RBFOX3: variants seen among roughly 807,000 people sequenced by gnomAD.
RBFOX3 encodes RNA binding fox-1 homolog 3, also known as RNA binding protein fox-1 homolog 3.
RBFOX3 carries 17 observed loss-of-function variants against 48.7 expected under a neutral mutation model. The ratio of observed to expected loss-of-function variants is 0.35; its 90% confidence interval spans 0.24 to 0.52. The LOEUF is 0.52. RBFOX3 is among the 20% of genes least tolerant of loss of function. RBFOX3 has a pLI of 0.94. For missense variants in RBFOX3, 382 were observed against 497.5 expected, an observed-to-expected ratio of 0.77 and a Z score of 2.21; for synonymous variants, 212 against 209.5, an observed-to-expected ratio of 1.01 and a Z score of -0.10.
intron 4 of RBFOX3, among the ~76,000 whole-genome samples, chr17:79,171,411 G>A (rs1223023718): frequency 3.3e-5 from 5 of 152,190 alleles, no homozygotes; most frequent in Non-Finnish European, 7.3e-5. Flanking sequence ...TTAGAGCTTT[G>A]CTGGCCATAT....
At position 79,140,644 on chromosome 17, in the gene RBFOX3, G is replaced by A. The variant is rs558319127; in HGVS notation, c.-33-24896C>T. Among the ~76,000 whole-genome samples, 12 of 152,358 alleles carry A rather than the reference G, an allele frequency of 7.9e-5. No homozygotes were observed. The South Asian group carries it at 1.0e-3, about 13-fold the overall frequency. On this transcript the variant is annotated intron_variant, in intron 4 of 14. Coordinates refer to ENST00000693108, the MANE Select transcript of RBFOX3 (RefSeq NM_001350451.2). ...CACAGCATGACAGACCAACCCAGGC[G>A]TGTGCCACAGAGCTTTAGTCTCCTA...
intron 1 of RBFOX3, among the ~76,000 whole-genome samples, chr17:79,573,096 T>C (rs2092734345): frequency 6.6e-6 from 1 of 152,212 alleles, no homozygotes; most frequent in Non-Finnish European, 1.5e-5. Flanking sequence ...CTGACACCTT[T>C]CCTGCTTATG....
intron 2 of RBFOX3, among the ~76,000 whole-genome samples, chr17:79,457,138 T>C (rs1555745468): frequency 6.6e-6 from 1 of 152,230 alleles, no homozygotes; most frequent in African/African-American, 2.4e-5. Context: ...GGGGCATGGC[T>C]GCCCTACTTC....
chr17:79,583,704 G>A (rs1363191339), intron 1 of RBFOX3, among the ~76,000 whole-genome samples: 2 of 152,300 alleles, frequency 1.3e-5, no homozygotes, highest in Admixed American at 6.5e-5. Context: ...CGGTGGCTCT[G>A]GTAGCATTTC....
chr17:79,195,222 C>T lies in RBFOX3; in HGVS notation c.-34+40544G>A, dbSNP rs541461036. ...ACCAGCCTGGTCAACATGGTGAAAC[C>T]CTGTTTCTACTAAAAATACAAAAAA... On this transcript the variant is annotated intron_variant, in intron 4 of 14. Coordinates refer to ENST00000693108, the MANE Select transcript of RBFOX3 (RefSeq NM_001350451.2). This position sits in a 1 kb window ranked among gnomAD's most constrained non-coding sequence, Gnocchi z 5.3. Among the ~76,000 whole-genome samples, 1 of 152,184 alleles carries T rather than the reference C, an allele frequency of 6.6e-6. No homozygotes were observed. Among genetic ancestry groups the T allele is most frequent in the East Asian group, 1.9e-4 (1 of 5,166 alleles).
chr17:79,097,854 C>G (rs762047203), intron 9 of RBFOX3, 109 bp from the exon 10 acceptor site: 2 of 1,207,376 alleles, frequency 1.7e-6, no homozygotes, highest in East Asian at 5.1e-5. Context: ...GGAACATTCC[C>G]AGGGCGCCTC....
chr17:79,405,494 G>A (rs1375952086), intron 2 of RBFOX3, among the ~76,000 whole-genome samples: 1 of 152,102 alleles, frequency 6.6e-6, no homozygotes, highest in African/African-American at 2.4e-5. Context: ...TGCACTTTGG[G>A]TAGATCACTT....
chr17:79,623,025 C>A, the RBFOX3 span, among the ~76,000 whole-genome samples: 2 of 152,140 alleles, frequency 1.3e-5, no homozygotes, highest in Non-Finnish European at 2.9e-5. Flanking sequence ...ACCCTCAGCT[C>A]CCTCCCCTAC....
Position 79,311,434 on chromosome 17 carries a change from CAAAAAAAAAAA to C in RBFOX3, c.-174-3621_-174-3611del, listed in dbSNP as rs35265527. On this transcript the variant is annotated intron_variant, in intron 2 of 14. Coordinates refer to ENST00000693108, the MANE Select transcript of RBFOX3 (RefSeq NM_001350451.2). The surrounding 1 kb of genome is among the most constrained non-coding windows in gnomAD (Gnocchi z 4.2). Reference sequence around the variant, plus strand: ...GGTAAGAAGAGCGAGACTCCATCTCCAAAAAAAAAAAAAAAAAAAACAGACTGCAGCACCAA... The same window carrying C: ...GGTAAGAAGAGCGAGACTCCATCTCCAAAAAAAAACAGACTGCAGCACCAA... 2.0e-5 allele frequency among the ~76,000 whole-genome samples: 2 copies of C among 102,554 alleles called. No individual in the cohort carries two copies. Among genetic ancestry groups the C allele is most frequent in the South Asian group, 7.6e-4 (2 of 2,636 alleles). 67.3% of individuals were successfully genotyped at this position (102,554 alleles called of 152,430 possible). A position where few individuals can be genotyped will look rare whatever the true frequency, so the allele number is the denominator to read the frequency against.
intron 2 of RBFOX3, among the ~76,000 whole-genome samples, chr17:79,402,883 C>T (rs968254063): frequency 2.0e-5 from 3 of 152,126 alleles, no homozygotes; most frequent in Non-Finnish European, 2.9e-5. Context: ...TCCCGGATGT[C>T]GTGGGGCTGC....
intron 2 of RBFOX3, among the ~76,000 whole-genome samples, chr17:79,372,821 G>T (rs1162859932): frequency 1.3e-5 from 2 of 152,242 alleles, no homozygotes; most frequent in Admixed American, 6.5e-5. Context: ...TGTCCAACTG[G>T]CCGCAGGTGT....
At chr17:79,607,638 G>T (rs1354413888) in intron 1 of RBFOX3, among the ~76,000 whole-genome samples, 1 of 152,178 alleles carries the variant, frequency 6.6e-6, no homozygotes, top group East Asian at 1.9e-4. Flanking sequence ...TGGGGGAGGG[G>T]GCAGATAAAC....
intron 1 of RBFOX3, among the ~76,000 whole-genome samples, chr17:79,504,510 C>T (rs1372374577): frequency 6.6e-6 from 1 of 152,206 alleles, no homozygotes; most frequent in Non-Finnish European, 1.5e-5. Flanking sequence ...GTGAGCATGG[C>T]CGAGCTCCCT....
intron 1 of RBFOX3, among the ~76,000 whole-genome samples, chr17:79,524,467 G>A (rs1226825859): frequency 2.0e-5 from 3 of 152,164 alleles, no homozygotes; most frequent in Non-Finnish European, 2.9e-5. Context: ...TCACTCTCAC[G>A]GCGGGCATTT....
intron 1 of RBFOX3, among the ~76,000 whole-genome samples, chr17:79,559,944 G>A (rs1390864312): frequency 6.7e-6 from 1 of 148,894 alleles, no homozygotes; most frequent in Non-Finnish European, 1.5e-5. Flanking sequence ...GTAGGTGGAT[G>A]GTCGGTGGTG....
chr17:79,606,737 C>G (rs1002029058), intron 1 of RBFOX3, among the ~76,000 whole-genome samples: 1 of 152,176 alleles, frequency 6.6e-6, no homozygotes, highest in Admixed American at 6.5e-5. Flanking sequence ...ACAGGCCCCG[C>G]CGGGTATGCA....
chr17:79,097,439 G>A lies in RBFOX3; in HGVS notation c.623-15C>T. 2.0e-6 allele frequency: 3 copies of A among 1,537,422 alleles called. No homozygotes were observed. Among genetic ancestry groups the A allele is most frequent in the South Asian group, 2.4e-5 (2 of 82,938 alleles). ...GAACCCCGTCACTGCAGGAAACGGG[G>A]CCCGAGACACGTGTGAGAGGCACAA... is the stretch of plus-strand genomic sequence containing the variant. On this transcript the variant is annotated splice_polypyrimidine_tract_variant and intron_variant, in intron 10 of 14. Transcript: ENST00000693108.
intron 1 of RBFOX3, among the ~76,000 whole-genome samples, chr17:79,503,419 C>G (rs1361043997): frequency 6.6e-6 from 1 of 152,190 alleles, no homozygotes; most frequent in African/African-American, 2.4e-5. Flanking sequence ...TGAAAACAAG[C>G]AAAAGTAATT....
At chr17:79,352,861 T>C (rs2084229656) in intron 2 of RBFOX3, among the ~76,000 whole-genome samples, 1 of 152,158 alleles carries the variant, frequency 6.6e-6, no homozygotes, top group Admixed American at 6.5e-5. Flanking sequence ...TGGGAATGGG[T>C]CCTCCTGCTG....
Sources: allele counts gnomAD v4.1 joint callset (sites outside exome capture counted in the v4.1 genomes callset), GRCh38; gene constraint gnomAD v4.1.1; non-coding constraint Gnocchi (gnomAD v3.1); transcripts MANE v1.5; gene names NCBI Gene and HGNC (gene_info 2026-07-23, HGNC 2026-07-21).